Variants in MFSD2B observed in about 807,000 individuals in gnomAD.
The protein encoded by MFSD2B is MFSD2 lysolipid transporter B, sphingolipid.
MFSD2B carries 56 observed loss-of-function variants against 58.4 expected under a neutral mutation model. That is an observed-to-expected ratio of 0.96 (90% CI 0.77 to 1.20). MFSD2B has a LOEUF of 1.20. MFSD2B is among the 50% of genes most tolerant of loss of function. MFSD2B has a pLI of 0.00. For synonymous variants in MFSD2B, 287 were observed against 294.4 expected (o/e 0.97, Z 0.26); for missense variants, 645 against 667.6 (o/e 0.97, Z 0.37).
In MFSD2B at chr2:24,018,997, T is replaced by G. The variant is rs574272834; in HGVS notation, c.681+1409T>G. On this transcript the variant is annotated intron_variant, in intron 6 of 13. Transcript: ENST00000338315. Reference sequence around the variant, plus strand: ...TCCTGAGTAGCTGGGATTACAGGCATGCGCCACCACGCCTGGCTAATTTTT... The same window carrying G: ...TCCTGAGTAGCTGGGATTACAGGCAGGCGCCACCACGCCTGGCTAATTTTT... Among the ~76,000 whole-genome samples the G allele has an allele frequency of 3.3e-5, 5 of 152,106 alleles. No individual in the cohort carries two copies. The South Asian group carries it at 8.3e-4, about 25-fold the overall frequency.
intron 1 of MFSD2B, among the ~76,000 whole-genome samples, chr2:24,011,885 G>A (rs938070745): frequency 1.3e-5 from 2 of 152,170 alleles, no homozygotes; most frequent in Non-Finnish European, 2.9e-5. Context: ...TGACATTTAA[G>A]CTGGTGACAT....
chr2:24,017,017 G>A lies in MFSD2B; in HGVS notation c.471+49G>A. The A allele has an allele frequency of 2.5e-6, 4 of 1,608,110 alleles. No homozygotes were observed. Among genetic ancestry groups the A allele is most frequent in the Non-Finnish European group, 3.4e-6 (4 of 1,178,962 alleles). On this transcript the variant is annotated intron_variant, in intron 4 of 13. Transcript: ENST00000338315. The surrounding 1 kb of genome is among the most constrained non-coding windows in gnomAD (Gnocchi z 4.8). Reference sequence around the variant, plus strand: ...CTGTGCTCTGGCGAAGCCCATTGCTGGCCATGGCCACTCTGAAGTGTGCTG... The same window carrying A: ...CTGTGCTCTGGCGAAGCCCATTGCTAGCCATGGCCACTCTGAAGTGTGCTG...
chr2:24,024,246 G>C lies in MFSD2B; in HGVS notation c.1465G>C (p.Ala489Pro). Residue 489 changes from alanine to proline, a missense_variant, in exon 13 of 14, where the codon GCC (alanine) becomes CCC (proline). Physicochemically the swap from Ala to Pro is conservative, Grantham distance 27. Coordinates refer to ENST00000338315, the MANE Select transcript of MFSD2B (RefSeq NM_001346880.2). This position sits in a 1 kb window ranked among gnomAD's most constrained non-coding sequence, Gnocchi z 4.3. ...CACTCCAAAGACACCCAGTCGGGAC[G>C]CCTCCAGCCGGCTGAGCCTTCGGAG... ...GSTPKTPSRDASSRLSLRRRT... is the reference protein window; with the variant it reads ...GSTPKTPSRDPSSRLSLRRRT... 1.9e-6 allele frequency: 3 copies of C among 1,609,464 alleles called. No individual in the cohort carries two copies. Among genetic ancestry groups the C allele is most frequent in the Non-Finnish European group, 2.5e-6 (3 of 1,178,152 alleles).
At chr2:24,018,733 A>G (rs578258092) in intron 6 of MFSD2B, 2 of 169,182 alleles carry the variant, frequency 1.2e-5, no homozygotes, top group Non-Finnish European at 2.5e-5. Flanking sequence ...AAAAAAAAAA[A>G]GGAGTTTGAG....
At position 24,016,872 on chromosome 2, in the gene MFSD2B, C is replaced by T. The variant is rs375362059; in HGVS notation, c.375C>T (p.Ala125=). 278 of 1,613,832 alleles carry T rather than the reference C, an allele frequency of 1.7e-4. No individual in the cohort carries two copies. The highest frequency in any genetic ancestry group is 2.1e-4 in the Non-Finnish European group (247 of 1,179,864). Residue 125 remains alanine (A), a synonymous_variant, in exon 4 of 14, where the codon GCC becomes GCT. Transcript: ENST00000338315. ...TGCTGGGCTGCACCCCCTTCATCGC[C>T]CTGGCCTACTTCTTCCTGTGGTTCC... ...PWVLGCTPFI[A]LAYFFLWFLP... is the part of the protein sequence containing the mutation.
Position 24,024,371 on chromosome 2 carries a change from C to A in MFSD2B, c.1490+100C>A, listed in dbSNP as rs76427858. 84,494 of 1,260,928 alleles carry A rather than the reference C, an allele frequency of 0.067. 3,120 individuals are homozygous for A. The highest frequency in any genetic ancestry group is 0.093 in the African/African-American group (6,273 of 67,282). 78.1% of individuals were successfully genotyped at this position (1,260,928 alleles called of 1,614,324 possible). ...AGACATCCCTGCTGTGTCACACAGT[C>A]CTGCCTCTGGGACCTCTTTCCTTAG... is the stretch of plus-strand genomic sequence containing the variant. On this transcript the variant is annotated intron_variant, in intron 13 of 13. Coordinates refer to ENST00000338315, the MANE Select transcript of MFSD2B (RefSeq NM_001346880.2). This position sits in a 1 kb window ranked among gnomAD's most constrained non-coding sequence, Gnocchi z 4.3.
chr2:24,014,378 T>C lies in MFSD2B; in HGVS notation c.222+968T>C, dbSNP rs189426841. On this transcript the variant is annotated intron_variant, in intron 2 of 13. Transcript: ENST00000338315. ...CATGTTGGCCAGGCTGGTCTCGAAC[T>C]CCTGATCTCAGGTGTTCCATCCACC... Among the ~76,000 whole-genome samples, 950 of 152,266 alleles carry C rather than the reference T, an allele frequency of 6.2e-3. 10 individuals are homozygous for C. Among genetic ancestry groups the C allele is most frequent in the Non-Finnish European group, 8.9e-3 (605 of 68,028 alleles).
Position 24,023,746 on chromosome 2 carries a change from T to C in MFSD2B, c.1313+20T>C, listed in dbSNP as rs1662886029. 1 of 1,612,056 alleles carries C rather than the reference T, an allele frequency of 6.2e-7. No homozygotes were observed. The highest frequency in any genetic ancestry group is 2.2e-5 in the East Asian group (1 of 44,836). On this transcript the variant is annotated intron_variant, in intron 12 of 13. Coordinates refer to ENST00000338315, the MANE Select transcript of MFSD2B (RefSeq NM_001346880.2). The surrounding 1 kb of genome is among the most constrained non-coding windows in gnomAD (Gnocchi z 5.0). Reference sequence around the variant, plus strand: ...TCTGGAGTGAGTCCCAGGGTTAGGATACAGCAGAGGCACCAAGGACCAGTG... The same window carrying C: ...TCTGGAGTGAGTCCCAGGGTTAGGACACAGCAGAGGCACCAAGGACCAGTG...
rs1171118317 is a variant in MFSD2B at position 24,023,412 on chromosome 2, C to T, written c.1170-171C>T. ...GGCAGTAGGAATGGCGGGGGGCCGG[C>T]AGGGGGCTGGCGGGGGGTACGAGCA... On this transcript the variant is annotated intron_variant, in intron 11 of 13. Transcript: ENST00000338315. The surrounding 1 kb of genome is among the most constrained non-coding windows in gnomAD (Gnocchi z 5.0). 3 of 930,922 alleles carry T rather than the reference C, an allele frequency of 3.2e-6. No homozygotes were observed. The highest frequency in any genetic ancestry group is 2.4e-5 in the Admixed American group (1 of 42,140). The allele number at this position is 930,922 out of a possible 1,614,324, so 57.7% of individuals were successfully genotyped here. A position where few individuals can be genotyped will look rare whatever the true frequency, so the allele number is the denominator to read the frequency against.
rs1185833753 is a variant in MFSD2B at position 24,017,281 on chromosome 2, C to T, written c.472-5C>T. The T allele has an allele frequency of 1.3e-6, 2 of 1,594,768 alleles. No individual in the cohort carries two copies. The highest frequency in any genetic ancestry group is 8.5e-7 in the Non-Finnish European group (1 of 1,171,576). ...GGGCGGTTCTAAGCTCTGCCGACGC[C>T]CCAGTTCTTCCAGGTGCCCTACACA... On this transcript the variant is annotated splice_region_variant and splice_polypyrimidine_tract_variant and intron_variant, in intron 4 of 13. Transcript: ENST00000338315. The surrounding 1 kb of genome is among the most constrained non-coding windows in gnomAD (Gnocchi z 4.8).
intron 1 of MFSD2B, among the ~76,000 whole-genome samples, chr2:24,010,563 G>A (rs1708918626): frequency 6.6e-6 from 1 of 152,220 alleles, no homozygotes; most frequent in African/African-American, 2.4e-5. Context: ...CCGACCTCAG[G>A]CAGCTGCTGT....
At position 24,016,914 on chromosome 2, in the gene MFSD2B, C is replaced by T; in HGVS notation, c.417C>T (p.Ser139=). ...FFLWFLPPFT[S]LRGLWYTTFY... ...TGTGGTTCCTGCCCCCCTTCACCAG[C>T]CTGCGAGGCCTCTGGTACACGACTT... Residue 139 remains serine (S), a synonymous_variant, in exon 4 of 14, where the codon AGC becomes AGT. Coordinates refer to ENST00000338315, the MANE Select transcript of MFSD2B (RefSeq NM_001346880.2). 6.2e-7 allele frequency: 1 copy of T among 1,613,952 alleles called. No individual in the cohort carries two copies. The highest frequency in any genetic ancestry group is 8.5e-7 in the Non-Finnish European group (1 of 1,179,862).
Position 24,017,141 on chromosome 2 carries a change from G to A in MFSD2B, c.472-145G>A. 4 of 1,269,472 alleles carry A rather than the reference G, an allele frequency of 3.2e-6. No homozygotes were observed. Among genetic ancestry groups the A allele is most frequent in the Non-Finnish European group, 3.3e-6 (3 of 919,954 alleles). 78.6% of individuals were successfully genotyped at this position (1,269,472 alleles called of 1,614,324 possible). A position where few individuals can be genotyped will look rare whatever the true frequency, so the allele number is the denominator to read the frequency against. ...GGACTGGCTGCCCCCTCCTGCCTTT[G>A]GGACCCTAGCTCCGACTTCAGGTGG... On this transcript the variant is annotated intron_variant, in intron 4 of 13. Coordinates refer to ENST00000338315, the MANE Select transcript of MFSD2B (RefSeq NM_001346880.2). This position sits in a 1 kb window ranked among gnomAD's most constrained non-coding sequence, Gnocchi z 4.8.
At position 24,023,163 on chromosome 2, in the gene MFSD2B, G is replaced by A. The variant is rs747433068; in HGVS notation, c.1093G>A (p.Val365Met). ...GCCCTTTGCGATCTTGCTGGCTGCT[G>A]TGCCCACAGCACCTGTGGCATATGT... ...MVPFAILLAA[V>M]PTAPVAYVVA... is the part of the protein sequence containing the mutation. Residue 365 changes from valine (V) to methionine (M), a missense_variant, in exon 11 of 14, where the codon GTG becomes ATG. Val to Met is a conservative substitution (Grantham distance 21). Coordinates refer to ENST00000338315, the MANE Select transcript of MFSD2B (RefSeq NM_001346880.2). The surrounding 1 kb of genome is among the most constrained non-coding windows in gnomAD (Gnocchi z 5.0). 1.9e-6 allele frequency: 3 copies of A among 1,613,350 alleles called. No individual in the cohort carries two copies. In the South Asian group the frequency reaches 3.3e-5, roughly 18 times the overall value.
Position 24,017,275 on chromosome 2 carries a change from C to A in MFSD2B, c.472-11C>A, listed in dbSNP as rs371675677. On this transcript the variant is annotated splice_polypyrimidine_tract_variant and intron_variant, in intron 4 of 13. Transcript: ENST00000338315. The surrounding 1 kb of genome is among the most constrained non-coding windows in gnomAD (Gnocchi z 4.8). Reference sequence around the variant, plus strand: ...AGCTGGGGGCGGTTCTAAGCTCTGCCGACGCCCCAGTTCTTCCAGGTGCCC... The same window carrying A: ...AGCTGGGGGCGGTTCTAAGCTCTGCAGACGCCCCAGTTCTTCCAGGTGCCC... 1 of 1,588,398 alleles carries A rather than the reference C, an allele frequency of 6.3e-7. No individual in the cohort carries two copies. Among genetic ancestry groups the A allele is most frequent in the Non-Finnish European group, 8.6e-7 (1 of 1,168,338 alleles).
chr2:24,016,723 C>T (rs904719497), intron 3 of MFSD2B, 122 bp from the exon 4 acceptor site: 6 of 1,244,058 alleles, frequency 4.8e-6, no homozygotes, highest in Middle Eastern at 2.7e-4. Context: ...GGCTCCCACC[C>T]AGGGCGCCCC....
At position 24,022,290 on chromosome 2, in the gene MFSD2B, C is replaced by T; in HGVS notation, c.895-143C>T. 2.7e-6 allele frequency: 2 copies of T among 735,882 alleles called. No homozygotes were observed. The highest frequency in any genetic ancestry group is 4.7e-6 in the Non-Finnish European group (2 of 422,684). The allele number at this position is 735,882 out of a possible 1,614,324, so 45.6% of individuals were successfully genotyped here. Reference sequence around the variant, plus strand: ...TTGTATCTGTGTTGGGGATAAGTGTCCTTTGTGGGGGAAGGGACTGTATGA... The same window carrying T: ...TTGTATCTGTGTTGGGGATAAGTGTTCTTTGTGGGGGAAGGGACTGTATGA... On this transcript the variant is annotated intron_variant, in intron 8 of 13. Transcript: ENST00000338315. The surrounding 1 kb of genome is among the most constrained non-coding windows in gnomAD (Gnocchi z 4.5).
chr2:24,017,142 G>C lies in MFSD2B; in HGVS notation c.472-144G>C. 1 of 1,269,570 alleles carries C rather than the reference G, an allele frequency of 7.9e-7. No individual in the cohort carries two copies. Among genetic ancestry groups the C allele is most frequent in the Non-Finnish European group, 1.1e-6 (1 of 920,418 alleles). 78.6% of individuals were successfully genotyped at this position (1,269,570 alleles called of 1,614,324 possible). A position where few individuals can be genotyped will look rare whatever the true frequency, so the allele number is the denominator to read the frequency against. On this transcript the variant is annotated intron_variant, in intron 4 of 13. Coordinates refer to ENST00000338315, the MANE Select transcript of MFSD2B (RefSeq NM_001346880.2). This position sits in a 1 kb window ranked among gnomAD's most constrained non-coding sequence, Gnocchi z 4.8. The stretch of plus-strand genomic sequence containing the variant: ...GACTGGCTGCCCCCTCCTGCCTTTG[G>C]GACCCTAGCTCCGACTTCAGGTGGC...
rs1387218011 is a variant in MFSD2B, at chr2:24,023,339, G to C, written c.1169+100G>C. Reference sequence around the variant, plus strand: ...CCCCCTGCACCCAGCCTGTGCAGGAGATGGAGGCCACCAGCTCCATCCTCA... The same window carrying C: ...CCCCCTGCACCCAGCCTGTGCAGGACATGGAGGCCACCAGCTCCATCCTCA... On this transcript the variant is annotated intron_variant, in intron 11 of 13. Transcript: ENST00000338315. This position sits in a 1 kb window ranked among gnomAD's most constrained non-coding sequence, Gnocchi z 5.0. 1.9e-6 allele frequency: 2 copies of C among 1,074,940 alleles called. No homozygotes were observed. The highest frequency in any genetic ancestry group is 2.8e-6 in the Non-Finnish European group (2 of 712,218). 66.6% of individuals were successfully genotyped at this position (1,074,940 alleles called of 1,614,324 possible).
Sources: gnomAD v4.1 joint callset for allele counts (sites outside exome capture counted in the v4.1 genomes callset) on GRCh38, gnomAD v4.1.1 for gene constraint, Gnocchi (gnomAD v3.1) non-coding constraint, MANE v1.5 for transcripts, NCBI Gene and HGNC (gene_info 2026-07-23, HGNC 2026-07-21) for gene names.